The following IFT80 variants were observed in gnomAD, a reference collection of about 807,000 sequenced individuals.
IFT80 encodes intraflagellar transport 80.
Under a neutral mutation model 107.9 loss-of-function variants are expected in IFT80, and 79 were observed. The ratio of observed to expected loss-of-function variants is 0.73; its 90% CI spans 0.61 to 0.88. IFT80 has a LOEUF of 0.88. IFT80 is among the 40% of genes least tolerant of loss of function. IFT80 has a pLI of 0.00. For missense variants in IFT80, 797 were observed against 914.2 expected, an observed-to-expected ratio of 0.87 and a Z score of 1.65; for synonymous variants, 299 against 300.9, an observed-to-expected ratio of 0.99 and a Z score of 0.07.
intron 6 of IFT80, among the ~76,000 whole-genome samples, chr3:160,362,023 G>C (rs969497796): frequency 1.3e-5 from 2 of 152,086 alleles, no homozygotes; most frequent in Non-Finnish European, 2.9e-5. Flanking sequence ...AAATAACTAA[G>C]ATCAGAGCAG....
chr3:160,385,995 A>G, intron 1 of IFT80, among the ~76,000 whole-genome samples: 1 of 152,252 alleles, frequency 6.6e-6, no homozygotes, highest in East Asian at 1.9e-4. Flanking sequence ...AACTTAAAAG[A>G]CATGATGTTA....
In IFT80 at chr3:160,258,217, T is replaced by C; in HGVS notation, c.*308A>G. 1 of 349,580 alleles carries C rather than the reference T, an allele frequency of 2.9e-6. No individual in the cohort carries two copies. Among genetic ancestry groups the C allele is most frequent in the Non-Finnish European group, 5.3e-6 (1 of 189,948 alleles). 21.7% of individuals were successfully genotyped at this position (349,580 alleles called of 1,614,324 possible). A position where few individuals can be genotyped will look rare whatever the true frequency, so the allele number is the denominator to read the frequency against. On this transcript the variant is annotated 3_prime_UTR_variant, in exon 20 of 20. Coordinates refer to ENST00000326448, the MANE Select transcript of IFT80 (RefSeq NM_020800.3). Reference sequence around the variant, plus strand: ...CAATGTTTTATTATCGACATTAATATTTGTTCATGCTGAAGATTTAGGGAT... The same window carrying C: ...CAATGTTTTATTATCGACATTAATACTTGTTCATGCTGAAGATTTAGGGAT...
chr3:160,268,335 C>A, intron 19 of IFT80, 78 bp downstream of exon 19: 3 of 1,279,970 alleles, frequency 2.3e-6, no homozygotes, highest in Non-Finnish European at 3.3e-6. Flanking sequence ...GAATCATTCA[C>A]ATTTTGTCTC....
Position 160,377,574 on chromosome 3 carries a change from T to C in IFT80, c.260-34A>G, listed in dbSNP as rs781619291. ...AATTACATTTGAAAAATCTATTTTA[T>C]TTATTCAATCAACAAAGCACCTACT... is the stretch of plus-strand genomic sequence containing the variant. On this transcript the variant is annotated intron_variant, in intron 3 of 19. Coordinates refer to ENST00000326448, the MANE Select transcript of IFT80 (RefSeq NM_020800.3). The C allele has an allele frequency of 6.1e-6, 8 of 1,319,440 alleles. No homozygotes were observed. The Admixed American group carries it at 1.4e-4, about 22-fold the overall frequency. The allele number at this position is 1,319,440 out of a possible 1,614,324, so 81.7% of individuals were successfully genotyped here. A position where few individuals can be genotyped will look rare whatever the true frequency, so the allele number is the denominator to read the frequency against.
At chr3:160,338,456 T>C (rs190539107) in intron 8 of IFT80, among the ~76,000 whole-genome samples, 3 of 151,798 alleles carry the variant, frequency 2.0e-5, no homozygotes, top group Admixed American at 6.6e-5. Flanking sequence ...AACATAGTGA[T>C]ACCCTGTCAC....
intron 8 of IFT80, among the ~76,000 whole-genome samples, chr3:160,323,352 T>G (rs1234606052): frequency 6.6e-6 from 1 of 151,022 alleles, no homozygotes; most frequent in Non-Finnish European, 1.5e-5. Flanking sequence ...GTTGTAGATA[T>G]GCGGCATTAT....
At chr3:160,311,941 C>A (rs536706344) in intron 9 of IFT80, among the ~76,000 whole-genome samples, 1 of 152,208 alleles carries the variant, frequency 6.6e-6, no homozygotes, top group African/African-American at 2.4e-5. Flanking sequence ...CCACCACACC[C>A]GGCTAATTTT....
intron 8 of IFT80, among the ~76,000 whole-genome samples, chr3:160,339,325 T>A (rs75082960): frequency 1.0e-3 from 153 of 152,316 alleles, no homozygotes; most frequent in African/African-American, 3.6e-3. Context: ...AAAATAAGTA[T>A]ATCAATACCA....
intron 8 of IFT80, 150 bp downstream of exon 8, chr3:160,355,863 T>C (rs1721041694): frequency 1.1e-6 from 1 of 929,696 alleles, no homozygotes; most frequent in Non-Finnish European, 1.7e-6. Context: ...ATATCTGGAA[T>C]TGATTGAACC....
At chr3:160,260,157 A>G (rs147509089) in intron 19 of IFT80, among the ~76,000 whole-genome samples, 2 of 152,348 alleles carry the variant, frequency 1.3e-5, no homozygotes, top group East Asian at 1.9e-4. Flanking sequence ...TAACAATGCC[A>G]TATACTTATG....
In IFT80 at chr3:160,325,003, C is replaced by G. The variant is rs555648918; in HGVS notation, c.778-5064G>C. The stretch of plus-strand genomic sequence containing the variant: ...CACCAATAACAGACAAACAGAGAGC[C>G]AAATCATGAGTGAACTCCCATTCAC... On this transcript the variant is annotated intron_variant, in intron 8 of 19. Transcript: ENST00000326448. Among the ~76,000 whole-genome samples the G allele has an allele frequency of 2.2e-3, 334 of 150,144 alleles. 3 individuals carry two copies. Among genetic ancestry groups the G allele is most frequent in the African/African-American group, 7.5e-3 (308 of 40,840 alleles).
intron 12 of IFT80, among the ~76,000 whole-genome samples, chr3:160,298,187 T>C (rs925541664): frequency 6.6e-6 from 1 of 151,976 alleles, no homozygotes; most frequent in African/African-American, 2.4e-5. Flanking sequence ...ATAAAGAAGC[T>C]CCCAAATTAG....
chr3:160,284,089 G>A (rs1714907030), intron 13 of IFT80, among the ~76,000 whole-genome samples: 1 of 152,068 alleles, frequency 6.6e-6, no homozygotes, highest in Non-Finnish European at 1.5e-5. Context: ...TTTATAGAAT[G>A]TAAAATTTAA....
intron 18 of IFT80, among the ~76,000 whole-genome samples, chr3:160,269,382 A>T (rs1015956254): frequency 3.3e-5 from 5 of 152,286 alleles, no homozygotes; most frequent in Admixed American, 2.0e-4. Context: ...TTACTATAGC[A>T]AATTAAAAAT....
intron 8 of IFT80, among the ~76,000 whole-genome samples, chr3:160,347,894 T>C (rs972156493): frequency 1.3e-5 from 2 of 152,220 alleles, no homozygotes; most frequent in African/African-American, 4.8e-5. Context: ...CAATGATCTC[T>C]TTAAAGAAAA....
At position 160,357,572 on chromosome 3, in the gene IFT80, C is replaced by T; in HGVS notation, c.556G>A (p.Ala186Thr). ...ACTTTTAAAATAATGCCATCATGAGCTTTCCACTGTGAGAAAAAAGAATAA... is the reference window on the plus strand; with the variant it reads ...ACTTTTAAAATAATGCCATCATGAGTTTTCCACTGTGAGAAAAAAGAATAA... ...QPNAKVLQWK[A>T]HDGIILKVDW... Residue 186 changes from alanine (A) to threonine (T), a missense_variant, in exon 7 of 20, where the codon GCT becomes ACT. Coordinates refer to ENST00000326448, the MANE Select transcript of IFT80 (RefSeq NM_020800.3). The T allele has an allele frequency of 6.3e-7, 1 of 1,587,980 alleles. No homozygotes were observed. The highest frequency in any genetic ancestry group is 8.6e-7 in the Non-Finnish European group (1 of 1,157,656).
chr3:160,276,028 C>T (rs1477661726), intron 18 of IFT80, among the ~76,000 whole-genome samples: 6 of 151,976 alleles, frequency 3.9e-5, no homozygotes, highest in Non-Finnish European at 7.4e-5. Flanking sequence ...CCACCATGCC[C>T]AGCTGCTTTT....
chr3:160,344,432 C>T (rs185729457), intron 8 of IFT80, among the ~76,000 whole-genome samples: 17 of 152,162 alleles, frequency 1.1e-4, no homozygotes, highest in Admixed American at 1.0e-3. Context: ...TCACCATATA[C>T]AAAAATCAAG....
chr3:160,321,899 G>C (rs1260638031), intron 8 of IFT80, among the ~76,000 whole-genome samples: 3 of 151,710 alleles, frequency 2.0e-5, no homozygotes, highest in Non-Finnish European at 4.4e-5. Flanking sequence ...GGAGAAAGAT[G>C]CTCTTTCAGG....
Sources: gnomAD v4.1 joint callset for allele counts (sites outside exome capture counted in the v4.1 genomes callset) on GRCh38, gnomAD v4.1.1 for gene constraint, MANE v1.5 for transcripts, NCBI Gene and HGNC (gene_info 2026-07-23, HGNC 2026-07-21) for gene names.